The following THY1 variants were observed in gnomAD, a reference collection of about 807,000 sequenced individuals.
THY1 encodes the protein thy-1 membrane glycoprotein.
Under a neutral mutation model 14.9 loss-of-function variants are expected in THY1, and 10 were observed. The ratio of observed to expected loss-of-function variants is 0.67; its 90% CI spans 0.41 to 1.14. THY1 has a LOEUF of 1.14. Ranked by LOEUF, THY1 falls within the 50% of genes most tolerant of loss-of-function variation. The pLI is 0.00. For synonymous variants in THY1, 80 were observed against 90.0 expected (o/e 0.89, Z 0.63); for missense variants, 159 against 202.1 (o/e 0.79, Z 1.29).
chr11:119,424,189 G>A (rs150931628), upstream of THY1: 2 of 152,294 alleles, frequency 1.3e-5, no homozygotes, highest in Non-Finnish European at 2.9e-5. Flanking sequence ...GGACTGAGTC[G>A]AGGCCAACTC....
chr11:119,420,963 T>C lies in THY1; in HGVS notation c.-24-34A>G, dbSNP rs181755842. On this transcript the variant is annotated intron_variant, in intron 1 of 3. Coordinates refer to ENST00000284240, the MANE Select transcript of THY1 (RefSeq NM_006288.5). ...GGAACAGGATGGGAATCAGCCAAGC[T>C]GTGCCACACTTACCACCAGGGCTGG... The C allele has an allele frequency of 2.2e-3, 3,529 of 1,610,536 alleles. 6 individuals carry two copies. Among genetic ancestry groups the C allele is most frequent in the East Asian group, 3.5e-3 (156 of 44,824 alleles).
chr11:119,418,937 T>TGAA lies in THY1; in HGVS notation c.*470_*471insTTC. 1 of 190,358 alleles carries TGAA rather than the reference T, an allele frequency of 5.3e-6. No homozygotes were observed. The highest frequency in any genetic ancestry group is 1.1e-5 in the Non-Finnish European group (1 of 91,378). The allele number at this position is 190,358 out of a possible 1,614,324, so 11.8% of individuals were successfully genotyped here. On this transcript the variant is annotated 3_prime_UTR_variant, in exon 4 of 4. Coordinates refer to ENST00000284240, the MANE Select transcript of THY1 (RefSeq NM_006288.5). ...GGCACCAGCCATGCCTGCCGAGGAG[T>TGAA]GCTGTCAGGACAGACCATGTCCGTG...
At chr11:119,423,466 T>G (rs1027340791), upstream of THY1, 11 of 348,408 alleles carry the variant, frequency 3.2e-5, no homozygotes, top group Non-Finnish European at 5.7e-5. Flanking sequence ...AGCCCCGCAA[T>G]GGTTGTTCCC....
upstream of THY1, among the ~76,000 whole-genome samples, chr11:119,424,301 G>A (rs921732498): frequency 5.9e-5 from 9 of 152,210 alleles, no homozygotes; most frequent in Admixed American, 2.6e-4. Flanking sequence ...TCACTCACAG[G>A]TGTAGTGAAT....
chr11:119,423,288 TG>T, upstream of THY1: 5 of 103,526 alleles, frequency 4.8e-5, no homozygotes, highest in South Asian at 1.6e-4. Context: ...CAGGGTGGGG[TG>T]GGGGGTGGGG....
chr11:119,416,555 A>G lies in THY1; in HGVS notation c.*2853T>C, dbSNP rs865843999. Among the ~76,000 whole-genome samples, 2 of 151,874 alleles carry G rather than the reference A, an allele frequency of 1.3e-5. No individual in the cohort carries two copies. Among genetic ancestry groups the G allele is most frequent in the Non-Finnish European group, 1.5e-5 (1 of 67,956 alleles). On this transcript the variant is annotated 3_prime_UTR_variant, in exon 4 of 4. Transcript: ENST00000284240. ...AGTGGTGCAATCTTGGCTCACTGCA[A>G]CCTCCGCCTCCCGGGTTCAAGTGAT...
At chr11:119,423,261 T>G (rs1391306304), upstream of THY1, 80 of 209,394 alleles carry the variant, frequency 3.8e-4, no homozygotes, top group East Asian at 2.8e-3. Context: ...AGGCGGAGAT[T>G]GGGGGAGAAA....
rs1197858801 is a variant in THY1, at chr11:119,419,530, G to A, written c.374-10C>T. 1.2e-6 allele frequency: 2 copies of A among 1,610,664 alleles called. No individual in the cohort carries two copies. Among genetic ancestry groups the A allele is most frequent in the African/African-American group, 1.3e-5 (1 of 74,842 alleles). ...CACTTGACCAGTTTGTCTGCAGAAA[G>A]AGAAGGGGGCCGGGGGCAGGGTAGG... On this transcript the variant is annotated splice_polypyrimidine_tract_variant and intron_variant, in intron 3 of 3. Transcript: ENST00000284240.
intron 1 of THY1, 69 bp from the exon 2 acceptor site, chr11:119,420,998 G>A: frequency 6.8e-7 from 1 of 1,470,306 alleles, no homozygotes; most frequent in African/African-American, 1.4e-5. Context: ...GGGGTCCCTG[G>A]GAACATGGCA....
In THY1 at chr11:119,419,378, G is replaced by A. The variant is rs776191375; in HGVS notation, c.*30C>T. On this transcript the variant is annotated 3_prime_UTR_variant, in exon 4 of 4. Transcript: ENST00000284240. ...TAGGATCTCTGCACTGGAACTTGAGGCTTCCTGTCTCCTCCATGGGCCCCA... is the reference window on the plus strand; with the variant it reads ...TAGGATCTCTGCACTGGAACTTGAGACTTCCTGTCTCCTCCATGGGCCCCA... 6.3e-6 allele frequency: 10 copies of A among 1,591,114 alleles called. No homozygotes were observed. Among genetic ancestry groups the A allele is most frequent in the Non-Finnish European group, 8.6e-6 (10 of 1,160,666 alleles).
Position 119,419,190 on chromosome 11 carries a change from A to C in THY1, c.*218T>G. The stretch of plus-strand genomic sequence containing the variant: ...CAGACAGAAGCAGCTCTGGAACAAA[A>C]AGTACAAAAAGACAGCCAGAGGTGT... On this transcript the variant is annotated 3_prime_UTR_variant, in exon 4 of 4. Transcript: ENST00000284240. 1 of 592,784 alleles carries C rather than the reference A, an allele frequency of 1.7e-6. No homozygotes were observed. Among genetic ancestry groups the C allele is most frequent in the Non-Finnish European group, 3.1e-6 (1 of 319,026 alleles). 36.7% of individuals were successfully genotyped at this position (592,784 alleles called of 1,614,324 possible).
At chr11:119,420,734 T>G (rs1591359702) in intron 2 of THY1, 135 bp downstream of exon 2, 1 of 1,100,318 alleles carries the variant, frequency 9.1e-7, no homozygotes, top group Non-Finnish European at 1.3e-6. Context: ...GCGCGGTGGA[T>G]TGGCTGACTT....
upstream of THY1, chr11:119,423,460 C>A: frequency 2.9e-6 from 1 of 348,556 alleles, no homozygotes; most frequent in Non-Finnish European, 5.7e-6. Flanking sequence ...TCCCTGAGCC[C>A]CGCAATGGTT....
At chr11:119,421,105 A>C (rs1376416254) in intron 1 of THY1, 176 bp from the exon 2 acceptor site, 6 of 556,268 alleles carry the variant, frequency 1.1e-5, no homozygotes. Context: ...TTTCCTGCTC[A>C]GGGAAAGCAA....
At position 119,417,143 on chromosome 11, in the gene THY1, A is replaced by G. The variant is rs1481778430; in HGVS notation, c.*2265T>C. Among the ~76,000 whole-genome samples, 1 of 152,194 alleles carries G rather than the reference A, an allele frequency of 6.6e-6. No individual in the cohort carries two copies. The highest frequency in any genetic ancestry group is 1.5e-5 in the Non-Finnish European group (1 of 68,028). ...CCCCACAGCAGCTCTTCTCACCAAGATGCCTTTCCTTGGCACGGCGCTTGC... is the reference window on the plus strand; with the variant it reads ...CCCCACAGCAGCTCTTCTCACCAAGGTGCCTTTCCTTGGCACGGCGCTTGC... On this transcript the variant is annotated 3_prime_UTR_variant, in exon 4 of 4. Transcript: ENST00000284240.
chr11:119,423,645 A>C (rs1861959629), upstream of THY1: 1 of 185,282 alleles, frequency 5.4e-6, no homozygotes, highest in Non-Finnish European at 1.1e-5. Flanking sequence ...GGAATATTCC[A>C]GTCTTTCTGA....
At position 119,419,381 on chromosome 11, in the gene THY1, TC is replaced by T; in HGVS notation, c.*26del. 1 of 1,598,678 alleles carries T rather than the reference TC, an allele frequency of 6.3e-7. No individual in the cohort carries two copies. The highest frequency in any genetic ancestry group is 8.6e-7 in the Non-Finnish European group (1 of 1,166,972). On this transcript the variant is annotated 3_prime_UTR_variant, in exon 4 of 4. Coordinates refer to ENST00000284240, the MANE Select transcript of THY1 (RefSeq NM_006288.5). The stretch of plus-strand genomic sequence containing the variant: ...GATCTCTGCACTGGAACTTGAGGCT[TC>T]CTGTCTCCTCCATGGGCCCCACCAG...
chr11:119,424,227 C>T (rs190610067), upstream of THY1: 1 of 152,384 alleles, frequency 6.6e-6, no homozygotes, highest in East Asian at 1.9e-4. Context: ...TCCTGATAAC[C>T]CACCGATTGG....
rs1365591738 is a variant in THY1 at position 119,422,144 on chromosome 11, C to T, written c.-25+969G>A. The T allele has an allele frequency of 6.6e-6, 1 of 152,298 alleles. No individual in the cohort carries two copies. Among genetic ancestry groups the T allele is most frequent in the Non-Finnish European group, 1.5e-5 (1 of 68,088 alleles). The allele number at this position is 152,298 out of a possible 1,614,324, so 9.4% of individuals were successfully genotyped here. A position where few individuals can be genotyped will look rare whatever the true frequency, so the allele number is the denominator to read the frequency against. ...CTAGACGAGTTCAGGGTCCCTGGCG[C>T]TCAGCCCCTTGACGGGTGAGGCTAG... On this transcript the variant is annotated intron_variant, in intron 1 of 3. Transcript: ENST00000284240. The surrounding 1 kb of genome is among the most constrained non-coding windows in gnomAD (Gnocchi z 7.0).
Sources: allele counts gnomAD v4.1 joint callset (sites outside exome capture counted in the v4.1 genomes callset), GRCh38; gene constraint gnomAD v4.1.1; non-coding constraint Gnocchi (gnomAD v3.1); transcripts MANE v1.5; gene names NCBI Gene and HGNC (gene_info 2026-07-23, HGNC 2026-07-21).